The following KIAA1671 variants were observed in gnomAD, a reference collection of about 807,000 sequenced individuals.
KIAA1671 encodes uncharacterized protein KIAA1671.
KIAA1671 carries 52 observed loss-of-function variants against 131.2 expected under a neutral mutation model. The ratio of observed to expected loss-of-function variants is 0.40; its 90% confidence interval spans 0.32 to 0.50. The LOEUF is 0.50. Among genes scored for constraint, KIAA1671 ranks in the 20% least tolerant of loss-of-function variants. The pLI, the probability that KIAA1671 is intolerant of heterozygous loss-of-function variation, is 0.73. For missense variants in KIAA1671, 2,360 were observed against 2,364.2 expected, an observed-to-expected ratio of 1.00 and a Z score of 0.04; for synonymous variants, 1,003 against 961.6, an observed-to-expected ratio of 1.04 and a Z score of -0.80.
intron 6 of KIAA1671, among the ~76,000 whole-genome samples, chr22:25,104,272 C>T (rs1051995845): frequency 6.6e-6 from 1 of 152,218 alleles, no homozygotes; most frequent in African/African-American, 2.4e-5. Flanking sequence ...AGCCACTGCT[C>T]CTGGCCCCAC....
chr22:24,996,972 C>T (rs1016110967), intron 1 of KIAA1671, among the ~76,000 whole-genome samples: 3 of 152,162 alleles, frequency 2.0e-5, no homozygotes, highest in Non-Finnish European at 2.9e-5. Flanking sequence ...GCAAGCCTCT[C>T]GGGGCCGAAT....
At chr22:25,124,636 A>G (rs974555438) in intron 6 of KIAA1671, among the ~76,000 whole-genome samples, 1 of 152,236 alleles carries the variant, frequency 6.6e-6, no homozygotes, top group African/African-American at 2.4e-5. Context: ...TGATGCCTGG[A>G]ACCTCGGAAG....
chr22:25,138,279 G>T (rs536031615), intron 6 of KIAA1671, among the ~76,000 whole-genome samples: 1 of 152,304 alleles, frequency 6.6e-6, no homozygotes, highest in South Asian at 2.1e-4. Flanking sequence ...GGAGATCATG[G>T]CCAACCAGTC....
In KIAA1671 at chr22:25,093,758, C is replaced by G. The variant is rs1035765081; in HGVS notation, c.4530+44394C>G. ...ACACACTCTCTCTCTCTCTCTCTCTCTCTCTCTCTGTCTCTCTCTCTCTCT... is the reference window on the plus strand; with the variant it reads ...ACACACTCTCTCTCTCTCTCTCTCTGTCTCTCTCTGTCTCTCTCTCTCTCT... On this transcript the variant is annotated intron_variant, in intron 6 of 12. Coordinates refer to ENST00000358431, the MANE Select transcript of KIAA1671 (RefSeq NM_001145206.2). Among the ~76,000 whole-genome samples, 15 of 109,226 alleles carry G rather than the reference C, an allele frequency of 1.4e-4. No individual in the cohort carries two copies. The East Asian group carries it at 1.6e-3, about 11-fold the overall frequency. The allele number at this position is 109,226 out of a possible 152,430, so 71.7% of individuals were successfully genotyped here.
chr22:24,994,914 A>G (rs553014958), intron 1 of KIAA1671, among the ~76,000 whole-genome samples: 2 of 150,516 alleles, frequency 1.3e-5, no homozygotes, highest in Admixed American at 6.6e-5. Context: ...CGAGGGGTCC[A>G]CTCTATCCCC....
At chr22:24,957,244 G>A (rs1287776739) in intron 1 of KIAA1671, among the ~76,000 whole-genome samples, 1 of 152,102 alleles carries the variant, frequency 6.6e-6, no homozygotes, top group Non-Finnish European at 1.5e-5. Context: ...AGTCTTAAAG[G>A]ATGAGTAGGA....
intron 6 of KIAA1671, among the ~76,000 whole-genome samples, chr22:25,164,386 G>T (rs747460531): frequency 6.6e-6 from 1 of 152,178 alleles, no homozygotes; most frequent in African/African-American, 2.4e-5. Context: ...TGGACTCAGG[G>T]GGTCCGTCCA....
At position 25,170,918 on chromosome 22, in the gene KIAA1671, G is replaced by A. The variant is rs947695580; in HGVS notation, c.4629G>A (p.Glu1543=). ...EAGSQYGTWT[E]QCQSGESLAT... ...GCAGCCAGTATGGGACGTGGACAGA[G>A]CAGTGCCAGAGTGGGGAGAGGTAGG... Residue 1543 remains glutamate (E), a synonymous_variant, in exon 7 of 13, where the codon GAG becomes GAA. Coordinates refer to ENST00000358431, the MANE Select transcript of KIAA1671 (RefSeq NM_001145206.2). The A allele has an allele frequency of 4.5e-6, 7 of 1,551,560 alleles. No homozygotes were observed. In the Admixed American group the frequency reaches 5.9e-5, roughly 13 times the overall value.
At chr22:25,181,509 G>A (rs1436848048) in intron 9 of KIAA1671, among the ~76,000 whole-genome samples, 190 bp from the exon 10 acceptor site, 9 of 152,226 alleles carry the variant, frequency 5.9e-5, no homozygotes, top group African/African-American at 2.2e-4. Flanking sequence ...CTGGCAAGAA[G>A]CAGAGTTGTG....
At chr22:25,047,431 G>T (rs1303076798) in intron 5 of KIAA1671, among the ~76,000 whole-genome samples, 1 of 149,448 alleles carries the variant, frequency 6.7e-6, no homozygotes, top group East Asian at 2.0e-4. Context: ...GATTACAGGC[G>T]TGAGCCGCCA....
In KIAA1671 at chr22:24,984,572, A is replaced by T. The variant is rs1018897797; in HGVS notation, c.-208+31800A>T. Among the ~76,000 whole-genome samples the T allele has an allele frequency of 9.8e-5, 15 of 152,316 alleles. 1 individual carries two copies. The highest frequency in any genetic ancestry group is 7.8e-4 in the Admixed American group (12 of 15,298). On this transcript the variant is annotated intron_variant, in intron 1 of 12. Coordinates refer to ENST00000358431, the MANE Select transcript of KIAA1671 (RefSeq NM_001145206.2). ...AGGGATGAGGCAGCTTCAGCAACTTAATAAGCGTGGAATTAATTCCCTTAT... is the reference window on the plus strand; with the variant it reads ...AGGGATGAGGCAGCTTCAGCAACTTTATAAGCGTGGAATTAATTCCCTTAT...
chr22:25,035,181 G>T (rs1266849858), intron 4 of KIAA1671, among the ~76,000 whole-genome samples: 9 of 151,756 alleles, frequency 5.9e-5, no homozygotes, highest in African/African-American at 2.2e-4. Flanking sequence ...AGTAGCTGGG[G>T]ACTACAGGCA....
chr22:25,000,182 C>CTTTT (rs1298378846), intron 1 of KIAA1671, among the ~76,000 whole-genome samples: 2 of 105,010 alleles, frequency 1.9e-5, no homozygotes, highest in African/African-American at 8.9e-5. Context: ...TGCTCCTCGC[C>CTTTT]TGTTTTTTTT....
chr22:25,080,248 G>A (rs1373975584), intron 6 of KIAA1671, among the ~76,000 whole-genome samples: 1 of 152,170 alleles, frequency 6.6e-6, no homozygotes, highest in East Asian at 1.9e-4. Flanking sequence ...CCCTTCCCCA[G>A]CTGTACAATG....
intron 1 of KIAA1671, among the ~76,000 whole-genome samples, chr22:24,976,479 G>A (rs1922918695): frequency 6.6e-6 from 1 of 152,194 alleles, no homozygotes; most frequent in African/African-American, 2.4e-5. Context: ...CCCTGTTGTT[G>A]TGTTGGGGGC....
intron 3 of KIAA1671, 46 bp from the exon 4 acceptor site, chr22:25,032,563 A>T: frequency 7.8e-7 from 1 of 1,287,408 alleles, no homozygotes; most frequent in African/African-American, 1.5e-5. Context: ...GCTGGGGGGA[A>T]TAACAGCTTC....
At chr22:25,181,179 C>T (rs1934259377) in intron 9 of KIAA1671, among the ~76,000 whole-genome samples, 1 of 152,154 alleles carries the variant, frequency 6.6e-6, no homozygotes, top group African/African-American at 2.4e-5. Flanking sequence ...GGCAGCCCAT[C>T]ACCCAAAAGC....
intron 1 of KIAA1671, among the ~76,000 whole-genome samples, chr22:24,994,738 G>T (rs1313897269): frequency 1.3e-5 from 2 of 152,060 alleles, no homozygotes; most frequent in African/African-American, 4.8e-5. Flanking sequence ...GCAGAAAGGC[G>T]ACTCTTTAGG....
chr22:25,077,039 T>G (rs955239434), intron 6 of KIAA1671, among the ~76,000 whole-genome samples: 1 of 152,208 alleles, frequency 6.6e-6, no homozygotes, highest in African/African-American at 2.4e-5. Context: ...TGGAGTCTGA[T>G]CTTCTGGTTT....
Sources: allele counts gnomAD v4.1 joint callset (sites outside exome capture counted in the v4.1 genomes callset), GRCh38; gene constraint gnomAD v4.1.1; transcripts MANE v1.5; gene names NCBI Gene and HGNC (gene_info 2026-07-23, HGNC 2026-07-21).